ANO3: variants seen among roughly 807,000 people sequenced by gnomAD.
ANO3 encodes the protein anoctamin-3.
In ANO3, 99 loss-of-function variants were observed where a neutral mutation model predicts 144.8. The ratio of observed to expected loss-of-function variants is 0.68; its 90% CI spans 0.58 to 0.81. The LOEUF (loss-of-function observed/expected upper bound fraction) is 0.81. ANO3 is among the 30% of genes least tolerant of loss of function. The pLI is 0.00. For missense variants in ANO3, 905 were observed against 1,202.2 expected (o/e 0.75, Z 3.66); for synonymous variants, 414 against 392.6 (o/e 1.05, Z -0.64).
At chr11:26,613,773 G>A (rs1347853443) in intron 17 of ANO3, among the ~76,000 whole-genome samples, 4 of 152,200 alleles carry the variant, frequency 2.6e-5, no homozygotes, top group Non-Finnish European at 5.9e-5. Context: ...TATTGTCTCA[G>A]AAGCCTAGTC....
At chr11:26,602,542 C>T (rs1189547391) in intron 17 of ANO3, among the ~76,000 whole-genome samples, 2 of 151,484 alleles carry the variant, frequency 1.3e-5, no homozygotes, top group Admixed American at 6.6e-5. Context: ...GCCCGGGCAA[C>T]ATAGTGAGAT....
At chr11:26,373,524 G>C (rs540751944) in intron 1 of ANO3, among the ~76,000 whole-genome samples, 2 of 152,196 alleles carry the variant, frequency 1.3e-5, no homozygotes, top group African/African-American at 4.8e-5. Context: ...CCCCGTTTTA[G>C]GTATTTCTTT....
intron 1 of ANO3, among the ~76,000 whole-genome samples, chr11:26,354,288 A>T (rs867807340): frequency 1.3e-5 from 2 of 152,214 alleles, no homozygotes; most frequent in African/African-American, 4.8e-5. Context: ...AGACTTAAAA[A>T]TTTGCTCTTC....
intron 1 of ANO3, among the ~76,000 whole-genome samples, chr11:26,382,247 T>C (rs1051554460): frequency 6.6e-6 from 1 of 152,164 alleles, no homozygotes; most frequent in African/African-American, 2.4e-5. Context: ...ACAGTAACAC[T>C]GGCTCTGCTG....
chr11:26,319,331 C>T (rs1230777706), intron 1 of ANO3, among the ~76,000 whole-genome samples: 2 of 152,122 alleles, frequency 1.3e-5, no homozygotes, highest in Non-Finnish European at 2.9e-5. Context: ...TTTTCCCTCT[C>T]TTCTTCCATC....
At chr11:26,360,732 T>A (rs1167828446) in intron 1 of ANO3, among the ~76,000 whole-genome samples, 1 of 152,200 alleles carries the variant, frequency 6.6e-6, no homozygotes, top group Non-Finnish European at 1.5e-5. Context: ...TCTGCTCTAC[T>A]TTGTCAATTT....
At chr11:26,591,530 A>G (rs1176227286) in intron 14 of ANO3, among the ~76,000 whole-genome samples, 2 of 152,158 alleles carry the variant, frequency 1.3e-5, no homozygotes, top group Non-Finnish European at 2.9e-5. Context: ...GTGCAGGGGT[A>G]TATGGTTGTG....
At chr11:26,418,258 T>G (rs1857649868) in intron 1 of ANO3, among the ~76,000 whole-genome samples, 1 of 152,058 alleles carries the variant, frequency 6.6e-6, no homozygotes, top group African/African-American at 2.4e-5. Context: ...AGTCAGGGTA[T>G]GTTTGGGTTC....
chr11:26,564,732 CATATATATATATATATATAT>C lies in ANO3; in HGVS notation c.1447+4987_1447+5006del, dbSNP rs66510170. 2.3e-3 allele frequency among the ~76,000 whole-genome samples: 58 copies of C among 25,400 alleles called. 1 individual carries two copies. The highest frequency in any genetic ancestry group is 0.02 in the East Asian group (8 of 408). The allele number at this position is 25,400 out of a possible 152,430, so 16.7% of individuals were successfully genotyped here. A position where few individuals can be genotyped will look rare whatever the true frequency, so the allele number is the denominator to read the frequency against. On this transcript the variant is annotated intron_variant, in intron 14 of 26. Transcript: ENST00000256737. ...ACACACACACACACACACACACACACATATATATATATATATATATATATATATATATATATATATATATA... is the reference window on the plus strand; with the variant it reads ...ACACACACACACACACACACACACACATATATATATATATATATATATATA...
At chr11:26,255,314 T>C (rs559959428) in intron 1 of ANO3, among the ~76,000 whole-genome samples, 5 of 152,200 alleles carry the variant, frequency 3.3e-5, no homozygotes, top group Non-Finnish European at 7.4e-5. Flanking sequence ...AAATGGGCTA[T>C]GGTTTAGATA....
chr11:26,526,667 G>A (rs903786426), intron 7 of ANO3, among the ~76,000 whole-genome samples: 2 of 152,102 alleles, frequency 1.3e-5, no homozygotes, highest in East Asian at 3.9e-4. Flanking sequence ...AGGCGTGGCA[G>A]TATTGAGTGA....
intron 4 of ANO3, among the ~76,000 whole-genome samples, chr11:26,502,046 A>T (rs972409665): frequency 3.3e-5 from 5 of 152,192 alleles, no homozygotes; most frequent in Non-Finnish European, 5.9e-5. Context: ...AATTATACGT[A>T]AAGGACTTCT....
intron 1 of ANO3, among the ~76,000 whole-genome samples, chr11:26,352,107 A>G (rs1289970658): frequency 6.6e-6 from 1 of 152,242 alleles, no homozygotes; most frequent in East Asian, 1.9e-4. Context: ...CAATATGTGT[A>G]AAGTAGAAGC....
chr11:26,587,478 G>T (rs1401648817), intron 14 of ANO3, among the ~76,000 whole-genome samples: 2 of 152,126 alleles, frequency 1.3e-5, no homozygotes, highest in Admixed American at 6.5e-5. Flanking sequence ...CTGTTCTAGA[G>T]AACTGTACAG....
intron 1 of ANO3, among the ~76,000 whole-genome samples, chr11:26,234,921 G>T (rs1852482087): frequency 2.0e-5 from 3 of 151,740 alleles, no homozygotes; most frequent in Admixed American, 6.6e-5. Flanking sequence ...AGTGCCAACG[G>T]TGTTAAGTAC....
intron 14 of ANO3, among the ~76,000 whole-genome samples, chr11:26,586,552 G>T (rs945937803): frequency 8.8e-6 from 1 of 113,780 alleles, no homozygotes; most frequent in East Asian, 2.6e-4. Context: ...CGCCAGGCTG[G>T]AGTGCAGTGG....
intron 24 of ANO3, among the ~76,000 whole-genome samples, chr11:26,648,425 G>A (rs1033028576): frequency 6.6e-6 from 1 of 152,094 alleles, no homozygotes; most frequent in Non-Finnish European, 1.5e-5. Context: ...CACTATTGAC[G>A]TTTTAGATCA....
chr11:26,229,645 TCTTTA>T (rs1264394637), intron 1 of ANO3, among the ~76,000 whole-genome samples: 4 of 152,200 alleles, frequency 2.6e-5, no homozygotes, highest in African/African-American at 7.2e-5. Flanking sequence ...TGCCTTTTTT[TCTTTA>T]CTTTATGAAC....
At position 26,332,256 on chromosome 11, in the gene ANO3, C is replaced by T. The variant is rs1855068797; in HGVS notation, c.-20C>T. The T allele has an allele frequency of 6.2e-7, 1 of 1,614,034 alleles. No homozygotes were observed. Among genetic ancestry groups the T allele is most frequent in the Middle Eastern group, 1.6e-4 (1 of 6,062 alleles). On this transcript the variant is annotated 5_prime_UTR_variant, in exon 1 of 27. Coordinates refer to ENST00000256737, the MANE Select transcript of ANO3 (RefSeq NM_031418.4). ...CCTCTCGGGCAGCTCCCTAAGCCGG[C>T]TGGGACGCGCAGAGTGAAAATGGTC...
Sources: allele counts gnomAD v4.1 joint callset (sites outside exome capture counted in the v4.1 genomes callset), GRCh38; gene constraint gnomAD v4.1.1; transcripts MANE v1.5; gene names NCBI Gene and HGNC (gene_info 2026-07-23, HGNC 2026-07-21).